MFGE8: variants seen among roughly 807,000 people sequenced by gnomAD.
MFGE8 encodes lactadherin.
MFGE8 carries 34 observed loss-of-function variants against 42.6 expected under a neutral mutation model. The ratio of observed to expected loss-of-function variants is 0.80; its 90% CI spans 0.61 to 1.06. The LOEUF (loss-of-function observed/expected upper bound fraction) is 1.06. Among genes scored for constraint, MFGE8 ranks in the 50% least tolerant of loss-of-function variants. The pLI is 0.00. For missense variants in MFGE8, 510 were observed against 516.9 expected (o/e 0.99, Z 0.13); for synonymous variants, 230 against 214.8 (o/e 1.07, Z -0.62).
Position 88,906,344 on chromosome 15 carries a change from C to G in MFGE8, c.540+282G>C. ...ACAACTGTACATGTACCCATGAAGG[C>G]TCAGAATGAAACCCAGCTCCACCAC... On this transcript the variant is annotated intron_variant, in intron 4 of 7. Transcript: ENST00000268150. This position sits in a 1 kb window ranked among gnomAD's most constrained non-coding sequence, Gnocchi z 4.2. The G allele has an allele frequency of 2.0e-6, 1 of 491,552 alleles. No individual in the cohort carries two copies. The highest frequency in any genetic ancestry group is 3.7e-6 in the Non-Finnish European group (1 of 268,544). 30.4% of individuals were successfully genotyped at this position (491,552 alleles called of 1,614,324 possible).
chr15:88,908,806 C>A (rs566380922), intron 2 of MFGE8, among the ~76,000 whole-genome samples: 2 of 152,160 alleles, frequency 1.3e-5, no homozygotes, highest in African/African-American at 4.8e-5. Flanking sequence ...AAGGCACAGG[C>A]CCCAGGGCCA....
At chr15:88,901,338 C>T (rs896136095) in intron 6 of MFGE8, among the ~76,000 whole-genome samples, 1 of 152,060 alleles carries the variant, frequency 6.6e-6, no homozygotes, top group African/African-American at 2.4e-5. Context: ...CACACACATA[C>T]ACACACACAC....
intron 1 of MFGE8, 74 bp from the exon 2 acceptor site, chr15:88,909,997 G>A: frequency 1.3e-6 from 2 of 1,584,188 alleles, no homozygotes; most frequent in Non-Finnish European, 1.7e-6. Context: ...GTAGCAGATG[G>A]GTCCAGCCCA....
chr15:88,904,949 A>T (rs1258717889), intron 5 of MFGE8: 1 of 153,316 alleles, frequency 6.5e-6, no homozygotes, highest in African/African-American at 2.5e-5. Flanking sequence ...GTGGCTGCAA[A>T]GAGAGAGAAA....
At chr15:88,904,691 T>C (rs2141705222) in intron 5 of MFGE8, 1 of 152,326 alleles carries the variant, frequency 6.6e-6, no homozygotes, top group South Asian at 2.1e-4. Context: ...AAAGGGCCCC[T>C]GGTGGAGGAA....
At position 88,902,649 on chromosome 15, in the gene MFGE8, A is replaced by T. The variant is rs541222365; in HGVS notation, c.686-914T>A. 6.6e-6 allele frequency: 1 copy of T among 152,376 alleles called. No individual in the cohort carries two copies. Among genetic ancestry groups the T allele is most frequent in the Non-Finnish European group, 1.5e-5 (1 of 68,090 alleles). The allele number at this position is 152,376 out of a possible 1,614,324, so 9.4% of individuals were successfully genotyped here. ...CCTTTGTTTCACTCAGCCCTGCCCC[A>T]AACACTCAGGAATGTGCCGGGCTGC... On this transcript the variant is annotated intron_variant, in intron 5 of 7. Transcript: ENST00000268150. This position sits in a 1 kb window ranked among gnomAD's most constrained non-coding sequence, Gnocchi z 4.3.
chr15:88,912,478 A>C (rs1899010773), intron 1 of MFGE8: 5 of 985,400 alleles, frequency 5.1e-6, no homozygotes, highest in Non-Finnish European at 6.0e-6. Context: ...GGGGCCACCT[A>C]AAGAGTCCTG....
At chr15:88,904,359 G>GTGCACACA (rs111406504) in intron 5 of MFGE8, 5 of 152,262 alleles carry the variant, frequency 3.3e-5, no homozygotes, top group Admixed American at 2.0e-4. Flanking sequence ...ACATGCACAC[G>GTGCACACA]TGCACACATG....
chr15:88,905,762 A>G lies in MFGE8; in HGVS notation c.680T>C (p.Leu227Pro). Residue 227 changes from leucine to proline, a missense_variant, in exon 5 of 8, where the codon CTG becomes CCG. Physicochemically the swap from Leu to Pro is moderately conservative, Grantham distance 98 (BLOSUM62 -3). Coordinates refer to ENST00000268150, the MANE Select transcript of MFGE8 (RefSeq NM_005928.4). This position sits in a 1 kb window ranked among gnomAD's most constrained non-coding sequence, Gnocchi z 6.6. ...TLRFELLGCE[L>P]NGCANPLGLK... The stretch of plus-strand genomic sequence containing the variant: ...CCCGCACCCCCAGCACTCACCGTTC[A>G]GCTCACAGCCCAGTAGCTCAAAGCG... 6.2e-7 allele frequency: 1 copy of G among 1,614,148 alleles called. No individual in the cohort carries two copies. Among genetic ancestry groups the G allele is most frequent in the South Asian group, 1.1e-5 (1 of 91,088 alleles).
chr15:88,904,132 T>C (rs921393917), intron 5 of MFGE8: 7 of 152,290 alleles, frequency 4.6e-5, no homozygotes, highest in African/African-American at 1.4e-4. Context: ...CTCTCTGTCA[T>C]CTGCTCCTCG....
rs1898638158 is a variant in MFGE8 at position 88,905,703 on chromosome 15, C to T, written c.685+54G>A. The T allele has an allele frequency of 1.4e-5, 22 of 1,611,006 alleles. No individual in the cohort carries two copies. The highest frequency in any genetic ancestry group is 1.8e-5 in the Non-Finnish European group (21 of 1,178,584). ...CTGAGAAAAGAGGCAGCAGGGAGGG[C>T]CACCTCCTAGGATTGGCCAACAGTG... On this transcript the variant is annotated intron_variant, in intron 5 of 7. Transcript: ENST00000268150. The surrounding 1 kb of genome is among the most constrained non-coding windows in gnomAD (Gnocchi z 6.6).
chr15:88,901,924 C>T, intron 5 of MFGE8, 189 bp from the exon 6 acceptor site: 1 of 632,830 alleles, frequency 1.6e-6, no homozygotes, highest in Non-Finnish European at 2.9e-6. Flanking sequence ...ACCCCACCAC[C>T]TCCTCACCTC....
chr15:88,905,736 A>G lies in MFGE8; in HGVS notation c.685+21T>C. On this transcript the variant is annotated intron_variant, in intron 5 of 7. Transcript: ENST00000268150. The surrounding 1 kb of genome is among the most constrained non-coding windows in gnomAD (Gnocchi z 6.6). Reference sequence around the variant, plus strand: ...TAGGATTGGCCAACAGTGCCCCCCTACCCGCACCCCCAGCACTCACCGTTC... The same window carrying G: ...TAGGATTGGCCAACAGTGCCCCCCTGCCCGCACCCCCAGCACTCACCGTTC... 2 of 1,613,758 alleles carry G rather than the reference A, an allele frequency of 1.2e-6. No individual in the cohort carries two copies. Among genetic ancestry groups the G allele is most frequent in the African/African-American group, 2.7e-5 (2 of 74,986 alleles).
rs1373278630 is a variant in MFGE8, at chr15:88,913,249, A to T, written c.71T>A (p.Leu24Gln). The change falls in exon 1 of 8, where the codon CTG (leucine) becomes CAG (glutamine). Residue 24 changes from leucine to glutamine, a missense_variant and splice_region_variant. Physicochemically the swap from Leu to Gln is moderately radical, Grantham distance 113. Coordinates refer to ENST00000268150, the MANE Select transcript of MFGE8 (RefSeq NM_005928.4). ...AGAGGGCGGCGCGATCCACTCACCC[A>T]GGGCGACGAGGAGGCTGGGGGCGCA... ...LLCAPSLLVA[L>Q]DICSKNPCHN... The T allele has an allele frequency of 6.6e-7, 1 of 1,505,218 alleles. No homozygotes were observed. The highest frequency in any genetic ancestry group is 2.1e-5 in the Admixed American group (1 of 47,680). The allele number at this position is 1,505,218 out of a possible 1,614,324, so 93.2% of individuals were successfully genotyped here. A position where few individuals can be genotyped will look rare whatever the true frequency, so the allele number is the denominator to read the frequency against.
chr15:88,902,239 C>CAA lies in MFGE8; in HGVS notation c.686-506_686-505dup, dbSNP rs35023517. The CAA allele has an allele frequency of 2.5e-5, 3 of 121,944 alleles. No homozygotes were observed. The highest frequency in any genetic ancestry group is 5.0e-4 in the South Asian group (2 of 4,000). 7.6% of individuals were successfully genotyped at this position (121,944 alleles called of 1,614,324 possible). A position where few individuals can be genotyped will look rare whatever the true frequency, so the allele number is the denominator to read the frequency against. On this transcript the variant is annotated intron_variant, in intron 5 of 7. Coordinates refer to ENST00000268150, the MANE Select transcript of MFGE8 (RefSeq NM_005928.4). The surrounding 1 kb of genome is among the most constrained non-coding windows in gnomAD (Gnocchi z 4.3). ...TTACTTCAGTCATTTAACCTGCCAC[C>CAA]AAAAAAAAAAAGAAAAAAAAACACT... is the stretch of plus-strand genomic sequence containing the variant.
At chr15:88,901,304 C>CTCACACACACAT (rs1898410990) in intron 6 of MFGE8, among the ~76,000 whole-genome samples, 14 of 85,870 alleles carry the variant, frequency 1.6e-4, no homozygotes, top group Admixed American at 9.1e-4. Flanking sequence ...CATTCACACA[C>CTCACACACACAT]TCACACACAC....
At position 88,913,295 on chromosome 15, in the gene MFGE8, C is replaced by A. The variant is rs1168855691; in HGVS notation, c.25G>T (p.Ala9Ser). MPRPRLLA[A>S]LCGALLCAPS... is the part of the protein sequence containing the mutation. ...GCGCAGAGCAGCGCGCCGCACAGCG[C>A]GGCCAGCAGGCGGGGGCGCGGCATG... The change falls in exon 1 of 8, where the codon GCG (alanine) becomes TCG (serine). Residue 9 changes from alanine to serine, a missense_variant. Physicochemically the swap from Ala to Ser is moderately conservative, Grantham distance 99. Coordinates refer to ENST00000268150, the MANE Select transcript of MFGE8 (RefSeq NM_005928.4). 4 of 1,475,258 alleles carry A rather than the reference C, an allele frequency of 2.7e-6. No homozygotes were observed. The highest frequency in any genetic ancestry group is 2.3e-4 in the Middle Eastern group (1 of 4,312). 91.4% of individuals were successfully genotyped at this position (1,475,258 alleles called of 1,614,324 possible).
In MFGE8 at chr15:88,903,342, G is replaced by C. The variant is rs1898518495; in HGVS notation, c.686-1607C>G. 1 of 151,884 alleles carries C rather than the reference G, an allele frequency of 6.6e-6. No individual in the cohort carries two copies. Among genetic ancestry groups the C allele is most frequent in the African/African-American group, 2.4e-5 (1 of 41,334 alleles). 9.4% of individuals were successfully genotyped at this position (151,884 alleles called of 1,614,324 possible). The stretch of plus-strand genomic sequence containing the variant: ...TCTAGGAAGTCCCTTCCTCTCTCTG[G>C]CTCTCAGTCTCCCCATCTATAAAAT... On this transcript the variant is annotated intron_variant, in intron 5 of 7. Transcript: ENST00000268150. This position sits in a 1 kb window ranked among gnomAD's most constrained non-coding sequence, Gnocchi z 4.9.
chr15:88,899,093 G>C lies in MFGE8; in HGVS notation c.*302C>G. 2.1e-6 allele frequency: 1 copy of C among 481,124 alleles called. No homozygotes were observed. The highest frequency in any genetic ancestry group is 3.8e-6 in the Non-Finnish European group (1 of 261,318). The allele number at this position is 481,124 out of a possible 1,614,324, so 29.8% of individuals were successfully genotyped here. ...GGGATCGGCGGTCCGGACAGGGGCA[G>C]GGAAACCACACGCCCTACTTTGCCC... On this transcript the variant is annotated 3_prime_UTR_variant, in exon 8 of 8. Transcript: ENST00000268150. This position sits in a 1 kb window ranked among gnomAD's most constrained non-coding sequence, Gnocchi z 6.8.
Sources: allele counts gnomAD v4.1 joint callset (sites outside exome capture counted in the v4.1 genomes callset), GRCh38; gene constraint gnomAD v4.1.1; non-coding constraint Gnocchi (gnomAD v3.1); transcripts MANE v1.5; gene names NCBI Gene and HGNC (gene_info 2026-07-23, HGNC 2026-07-21).